OPRM1: variants seen among roughly 807,000 people sequenced by gnomAD.
OPRM1 encodes mu-type opioid receptor.
In OPRM1, 27 loss-of-function variants were observed where a neutral mutation model predicts 31.8. That is an observed-to-expected ratio of 0.85 (90% CI 0.63 to 1.17). OPRM1 has a LOEUF of 1.17. Among genes scored for constraint, OPRM1 ranks in the 50% most tolerant of loss-of-function variants. OPRM1 has a pLI of 0.00. For missense variants in OPRM1, 536 were observed against 511.1 expected, an observed-to-expected ratio of 1.05 and a Z score of -0.47; for synonymous variants, 196 against 189.9, an observed-to-expected ratio of 1.03 and a Z score of -0.26.
At chr6:154,115,958 G>T (rs1487124124) in intron 3 of OPRM1, among the ~76,000 whole-genome samples, 1 of 152,192 alleles carries the variant, frequency 6.6e-6, no homozygotes, top group Non-Finnish European at 1.5e-5. Flanking sequence ...CTTATGATCA[G>T]GTCCCTTTGG....
intron 1 of OPRM1, among the ~76,000 whole-genome samples, chr6:154,078,099 C>T (rs866392865): frequency 1.4e-4 from 21 of 152,224 alleles, no homozygotes; most frequent in African/African-American, 4.6e-4. Context: ...CTGGCCATTC[C>T]TTAGTTCCTC....
intron 1 of OPRM1, among the ~76,000 whole-genome samples, chr6:154,023,065 G>A (rs78213299): frequency 0.058 from 8,835 of 152,170 alleles, 409 homozygotes; most frequent in South Asian, 0.2. Context: ...ATCTTAGGAC[G>A]ATTTTGTCTC....
intron 3 of OPRM1, among the ~76,000 whole-genome samples, chr6:154,167,064 T>C (rs1799498519): frequency 6.6e-6 from 1 of 152,216 alleles, no homozygotes; most frequent in African/African-American, 2.4e-5. Context: ...TGTAGCCTTG[T>C]CCTTTCAATT....
chr6:154,082,411 C>T (rs1406472212), intron 1 of OPRM1, among the ~76,000 whole-genome samples: 1 of 152,018 alleles, frequency 6.6e-6, no homozygotes, highest in East Asian at 1.9e-4. Context: ...ATTTGTTGTA[C>T]TAAGCGCAGT....
intron 1 of OPRM1, among the ~76,000 whole-genome samples, chr6:154,071,545 C>T (rs891310853): frequency 5.3e-5 from 8 of 150,870 alleles, no homozygotes; most frequent in South Asian, 2.1e-4. Context: ...AGGAATATCC[C>T]TGTAGTTTTA....
rs1797174830 is a variant in OPRM1, at chr6:154,119,256, C to G, written c.*535C>G. ...TCTGGCTAAGGCATCATTTTCACCTCCATTTCTTGGTTTTGTATTGTTTAA... is the reference window on the plus strand; with the variant it reads ...TCTGGCTAAGGCATCATTTTCACCTGCATTTCTTGGTTTTGTATTGTTTAA... On this transcript the variant is annotated 3_prime_UTR_variant, in exon 4 of 4. Coordinates refer to ENST00000330432, the MANE Select transcript of OPRM1 (RefSeq NM_000914.5). 1.0e-6 allele frequency: 1 copy of G among 985,368 alleles called. No individual in the cohort carries two copies. The highest frequency in any genetic ancestry group is 1.2e-6 in the Non-Finnish European group (1 of 829,688). 61.0% of individuals were successfully genotyped at this position (985,368 alleles called of 1,614,324 possible).
chr6:154,186,187 A>T (rs916420748), intron 3 of OPRM1, among the ~76,000 whole-genome samples: 24 of 152,286 alleles, frequency 1.6e-4, no homozygotes, highest in African/African-American at 5.8e-4. Flanking sequence ...CACAGACTTG[A>T]CTTCTCTACC....
rs1432407735 is a variant in OPRM1, at chr6:154,065,934, G to T, written c.291-23892G>T. 2.6e-5 allele frequency among the ~76,000 whole-genome samples: 4 copies of T among 152,000 alleles called. No individual in the cohort carries two copies. The East Asian group carries it at 7.7e-4, about 29-fold the overall frequency. On this transcript the variant is annotated intron_variant, in intron 1 of 3. Transcript: ENST00000330432. ...CATATACAGCTTTTAATATGTTATG[G>T]TTGATTCTTTCTATTTTGATTGTTT... is the stretch of plus-strand genomic sequence containing the variant.
chr6:154,120,969 G>A lies in OPRM1; in HGVS notation c.*2248G>A, dbSNP rs2128526509. On this transcript the variant is annotated 3_prime_UTR_variant, in exon 4 of 4. Coordinates refer to ENST00000330432, the MANE Select transcript of OPRM1 (RefSeq NM_000914.5). ...CATTCTAAAGTAAATAATAAATAAGGTCATTGTCAACGTTTTTCATTCAAA... is the reference window on the plus strand; with the variant it reads ...CATTCTAAAGTAAATAATAAATAAGATCATTGTCAACGTTTTTCATTCAAA... 6.6e-6 allele frequency among the ~76,000 whole-genome samples: 1 copy of A among 152,232 alleles called. No individual in the cohort carries two copies. The highest frequency in any genetic ancestry group is 2.4e-5 in the African/African-American group (1 of 41,550).
chr6:154,219,207 T>C (rs927136249), intron 3 of OPRM1: 3 of 152,178 alleles, frequency 2.0e-5, no homozygotes, highest in Non-Finnish European at 4.4e-5. Context: ...TCTCACACTT[T>C]CATCGGTTTA....
chr6:154,089,691 G>T, intron 1 of OPRM1, 135 bp from the exon 2 acceptor site: 1 of 629,156 alleles, frequency 1.6e-6, no homozygotes, highest in Non-Finnish European at 2.8e-6. Flanking sequence ...TAGCCAAGCT[G>T]ATACTGGAAA....
At chr6:154,113,930 G>A (rs1405968917) in intron 3 of OPRM1, among the ~76,000 whole-genome samples, 2 of 152,116 alleles carry the variant, frequency 1.3e-5, no homozygotes, top group Non-Finnish European at 1.5e-5. Context: ...CAATGAAGTG[G>A]CGAGTGGTGC....
At position 154,168,070 on chromosome 6, in the gene OPRM1, G is replaced by A. The variant is rs751211428; in HGVS notation, c.1164+76598G>A. The A allele has an allele frequency of 2.1e-5, 33 of 1,584,488 alleles. No homozygotes were observed. The highest frequency in any genetic ancestry group is 2.8e-5 in the Non-Finnish European group (33 of 1,160,044). Reference sequence around the variant, plus strand: ...ATAGACTAGCTTGCTCTAATGATTTGTACAGCTTCTCCATTTCATCATCTT... The same window carrying A: ...ATAGACTAGCTTGCTCTAATGATTTATACAGCTTCTCCATTTCATCATCTT... On this transcript the variant is annotated intron_variant, in intron 3 of 3. Transcript: ENST00000337049. The surrounding 1 kb of genome is among the most constrained non-coding windows in gnomAD (Gnocchi z 4.1).
intron 1 of OPRM1, among the ~76,000 whole-genome samples, chr6:154,018,924 A>G (rs1019466903): frequency 2.0e-5 from 3 of 152,016 alleles, no homozygotes; most frequent in Non-Finnish European, 4.4e-5. Context: ...GTTTTTCCTT[A>G]TATCACAAAT....
At chr6:154,153,455 G>A (rs981304116) in intron 3 of OPRM1, among the ~76,000 whole-genome samples, 4 of 152,224 alleles carry the variant, frequency 2.6e-5, no homozygotes, top group South Asian at 4.1e-4. Flanking sequence ...AGGCCGAGGC[G>A]GGCAGATCTC....
At chr6:154,028,303 T>C (rs1473416518) in intron 1 of OPRM1, among the ~76,000 whole-genome samples, 1 of 152,096 alleles carries the variant, frequency 6.6e-6, no homozygotes, top group Non-Finnish European at 1.5e-5. Flanking sequence ...AAAGAGAGCC[T>C]CATAAGTCTG....
At chr6:154,022,744 G>A (rs1421701260) in intron 1 of OPRM1, among the ~76,000 whole-genome samples, 3 of 152,182 alleles carry the variant, frequency 2.0e-5, no homozygotes, top group African/African-American at 7.2e-5. Context: ...AGAGATAAGG[G>A]TCTAGTTTCA....
At chr6:154,142,385 A>G (rs1175906722) in intron 3 of OPRM1, among the ~76,000 whole-genome samples, 1 of 90,970 alleles carries the variant, frequency 1.1e-5, no homozygotes, top group Admixed American at 1.2e-4. Context: ...ATTAAGAGGC[A>G]AAATGGGTAG....
intron 1 of OPRM1, among the ~76,000 whole-genome samples, chr6:154,027,731 G>A (rs1778780306): frequency 6.6e-6 from 1 of 152,138 alleles, no homozygotes; most frequent in Non-Finnish European, 1.5e-5. Context: ...CTTTCCAAAG[G>A]CAGAGGAGCT....
Sources: allele counts gnomAD v4.1 joint callset (sites outside exome capture counted in the v4.1 genomes callset), GRCh38; gene constraint gnomAD v4.1.1; non-coding constraint Gnocchi (gnomAD v3.1); transcripts MANE v1.5; gene names NCBI Gene and HGNC (gene_info 2026-07-23, HGNC 2026-07-21).